Variants in CACNG1 observed in about 807,000 individuals in gnomAD.
CACNG1 encodes calcium voltage-gated channel auxiliary subunit gamma 1.
Under a neutral mutation model 22.0 loss-of-function variants are expected in CACNG1, and 21 were observed. The ratio of observed to expected loss-of-function variants is 0.95; its 90% CI spans 0.68 to 1.37. CACNG1 has a LOEUF of 1.37. Among genes scored for constraint, CACNG1 ranks in the 40% most tolerant of loss-of-function variants. The probability of loss-of-function intolerance (pLI) is 0.00; values close to 1 mark genes in which losing one functional copy is unlikely to be tolerated. For missense variants in CACNG1, 291 were observed against 308.6 expected (o/e 0.94, Z 0.43); for synonymous variants, 127 against 129.2 (o/e 0.98, Z 0.12).
rs1278041049 is a variant in CACNG1 at position 67,052,235 on chromosome 17, C to T, written c.230-1761C>T. Reference sequence around the variant, plus strand: ...CAGCAGTCAGACACCCCAGGTAACGCGGTTCAAAAGGAAAGTGATTTAAAT... The same window carrying T: ...CAGCAGTCAGACACCCCAGGTAACGTGGTTCAAAAGGAAAGTGATTTAAAT... On this transcript the variant is annotated intron_variant, in intron 1 of 3. Transcript: ENST00000226021. 3.9e-5 allele frequency among the ~76,000 whole-genome samples: 6 copies of T among 152,118 alleles called. No individual in the cohort carries two copies. The South Asian group carries it at 1.0e-3, about 26-fold the overall frequency.
At position 67,053,995 on chromosome 17, in the gene CACNG1, GAGA is replaced by G. The variant is rs899158821; in HGVS notation, c.234_236del (p.Lys78del). The G allele has an allele frequency of 7.4e-6, 12 of 1,613,562 alleles. No homozygotes were observed. The East Asian group carries it at 1.6e-4, about 21-fold the overall frequency. On this transcript the variant is annotated inframe_deletion and splice_region_variant, in exon 2 of 4. Coordinates refer to ENST00000226021, the MANE Select transcript of CACNG1 (RefSeq NM_000727.4). ...CTCACAGTCTGTCTCCTCCTTTGCA[GAGA>G]AGAACTGTTCCTACTTCAGGCATTT...
chr17:67,052,743 G>T (rs1325529584), intron 1 of CACNG1, among the ~76,000 whole-genome samples: 1 of 150,272 alleles, frequency 6.7e-6, no homozygotes, highest in Non-Finnish European at 1.5e-5. Context: ...CAAGAGCAAA[G>T]AAGATAAACC....
At position 67,056,289 on chromosome 17, in the gene CACNG1, C is replaced by T. The variant is rs115573053; in HGVS notation, c.*18C>T. On this transcript the variant is annotated 3_prime_UTR_variant, in exon 4 of 4. Coordinates refer to ENST00000226021, the MANE Select transcript of CACNG1 (RefSeq NM_000727.4). The surrounding 1 kb of genome is among the most constrained non-coding windows in gnomAD (Gnocchi z 4.3). Reference sequence around the variant, plus strand: ...AGCACTAACCCTCCTGCGGCCCTAGCGACCCTCAGGCTTCTTCCCCAGGAA... The same window carrying T: ...AGCACTAACCCTCCTGCGGCCCTAGTGACCCTCAGGCTTCTTCCCCAGGAA... 1,801 of 1,607,486 alleles carry T rather than the reference C, an allele frequency of 1.1e-3. 25 individuals carry two copies. In the African/African-American group the frequency reaches 0.019, roughly 17 times the overall value.
In CACNG1 at chr17:67,054,968, A is replaced by G. The variant is rs745828555; in HGVS notation, c.305-135A>G. On this transcript the variant is annotated intron_variant, in intron 2 of 3. Transcript: ENST00000226021. The surrounding 1 kb of genome is among the most constrained non-coding windows in gnomAD (Gnocchi z 4.6). Reference sequence around the variant, plus strand: ...TGACACACACAAGACAGACACAGAGACACACACTTGACACACACACAATGA... The same window carrying G: ...TGACACACACAAGACAGACACAGAGGCACACACTTGACACACACACAATGA... The G allele has an allele frequency of 5.8e-4, 491 of 845,596 alleles. 3 individuals carry two copies. The Middle Eastern group carries it at 0.013, about 23-fold the overall frequency. 52.4% of individuals were successfully genotyped at this position (845,596 alleles called of 1,614,324 possible). A position where few individuals can be genotyped will look rare whatever the true frequency, so the allele number is the denominator to read the frequency against.
In CACNG1 at chr17:67,056,350, C is replaced by A. The variant is rs1001250993; in HGVS notation, c.*79C>A. 2.8e-5 allele frequency: 38 copies of A among 1,349,700 alleles called. No homozygotes were observed. Among genetic ancestry groups the A allele is most frequent in the Non-Finnish European group, 4.0e-5 (38 of 959,296 alleles). 83.6% of individuals were successfully genotyped at this position (1,349,700 alleles called of 1,614,324 possible). ...GGCCTGGAACCTTCCAGAGAGGAGG[C>A]GGGAGCAATTTTAGCCCCACCCTGC... On this transcript the variant is annotated 3_prime_UTR_variant, in exon 4 of 4. Coordinates refer to ENST00000226021, the MANE Select transcript of CACNG1 (RefSeq NM_000727.4). The surrounding 1 kb of genome is among the most constrained non-coding windows in gnomAD (Gnocchi z 4.3).
chr17:67,054,967 G>A lies in CACNG1; in HGVS notation c.305-136G>A. 1 of 844,880 alleles carries A rather than the reference G, an allele frequency of 1.2e-6. No individual in the cohort carries two copies. The highest frequency in any genetic ancestry group is 1.8e-6 in the Non-Finnish European group (1 of 555,754). The allele number at this position is 844,880 out of a possible 1,614,324, so 52.3% of individuals were successfully genotyped here. The stretch of plus-strand genomic sequence containing the variant: ...ATGACACACACAAGACAGACACAGA[G>A]ACACACACTTGACACACACACAATG... On this transcript the variant is annotated intron_variant, in intron 2 of 3. Coordinates refer to ENST00000226021, the MANE Select transcript of CACNG1 (RefSeq NM_000727.4). This position sits in a 1 kb window ranked among gnomAD's most constrained non-coding sequence, Gnocchi z 4.6.
chr17:67,055,369 G>A lies in CACNG1; in HGVS notation c.442+129G>A. On this transcript the variant is annotated intron_variant, in intron 3 of 3. Transcript: ENST00000226021. The surrounding 1 kb of genome is among the most constrained non-coding windows in gnomAD (Gnocchi z 4.5). ...TCCCAGGCTCCATCCCCATCCAGGG[G>A]CAAACCTGGCCAGGCCATCAGCGAC... 3 of 1,109,284 alleles carry A rather than the reference G, an allele frequency of 2.7e-6. No individual in the cohort carries two copies. The highest frequency in any genetic ancestry group is 2.5e-6 in the Non-Finnish European group (2 of 792,330). The allele number at this position is 1,109,284 out of a possible 1,614,324, so 68.7% of individuals were successfully genotyped here. A position where few individuals can be genotyped will look rare whatever the true frequency, so the allele number is the denominator to read the frequency against.
Position 67,055,018 on chromosome 17 carries a change from CTGTGGTGCATGG to C in CACNG1, c.305-78_305-67del, listed in dbSNP as rs1429139017. ...ACACACACAGACACTGACACACACA[CTGTGGTGCATGG>C]TGTGGTCCCTAACGAGCCATGACAA... On this transcript the variant is annotated intron_variant, in intron 2 of 3. Coordinates refer to ENST00000226021, the MANE Select transcript of CACNG1 (RefSeq NM_000727.4). This position sits in a 1 kb window ranked among gnomAD's most constrained non-coding sequence, Gnocchi z 4.5. The C allele has an allele frequency of 7.3e-7, 1 of 1,379,274 alleles. No individual in the cohort carries two copies. Among genetic ancestry groups the C allele is most frequent in the African/African-American group, 1.4e-5 (1 of 69,620 alleles). The allele number at this position is 1,379,274 out of a possible 1,614,324, so 85.4% of individuals were successfully genotyped here.
At position 67,044,796 on chromosome 17, in the gene CACNG1, T is replaced by G; in HGVS notation, c.136T>G (p.Cys46Gly). The change falls in exon 1 of 4, where the codon TGC becomes GGC. Residue 46 changes from cysteine (C) to glycine (G), a missense_variant. Physicochemically the swap from Cys to Gly is radical, Grantham distance 159. Transcript: ENST00000226021. This position sits in a 1 kb window ranked among gnomAD's most constrained non-coding sequence, Gnocchi z 6.9. ...CCACATGGAGCACCACAACACTACC[T>G]GCGAGGCGGCCCACTTCGGCCTCTG... is the stretch of plus-strand genomic sequence containing the variant. Reference protein sequence around the residue: ...SPHMEHHNTTCEAAHFGLWRI... With the variant: ...SPHMEHHNTTGEAAHFGLWRI... 1 of 1,613,336 alleles carries G rather than the reference T, an allele frequency of 6.2e-7. No individual in the cohort carries two copies. Among genetic ancestry groups the G allele is most frequent in the Non-Finnish European group, 8.5e-7 (1 of 1,180,024 alleles).
At chr17:67,053,938 C>A in intron 1 of CACNG1, 58 bp from the exon 2 acceptor site, 1 of 1,272,236 alleles carries the variant, frequency 7.9e-7, no homozygotes, top group Non-Finnish European at 1.2e-6. Flanking sequence ...CTCTGCCAGG[C>A]CTCTGTCCTT....
chr17:67,055,185 C>G lies in CACNG1; in HGVS notation c.387C>G (p.Leu129=). Residue 129 remains leucine (L), a synonymous_variant, in exon 3 of 4, where the codon CTC becomes CTG. Coordinates refer to ENST00000226021, the MANE Select transcript of CACNG1 (RefSeq NM_000727.4). The surrounding 1 kb of genome is among the most constrained non-coding windows in gnomAD (Gnocchi z 4.5). The part of the protein sequence containing the change: ...ILGSLCVLLS[L]GKKRDYLLRP... ...GCAGCCTCTGTGTCCTCCTGTCCCT[C>G]GGGAAGAAGAGGGACTATCTGCTGC... The G allele has an allele frequency of 2.5e-6, 4 of 1,614,186 alleles. No individual in the cohort carries two copies. Among genetic ancestry groups the G allele is most frequent in the Non-Finnish European group, 3.4e-6 (4 of 1,180,020 alleles).
Position 67,055,065 on chromosome 17 carries a change from T to C in CACNG1, c.305-38T>C. 6.3e-7 allele frequency: 1 copy of C among 1,598,264 alleles called. No homozygotes were observed. The highest frequency in any genetic ancestry group is 8.6e-7 in the Non-Finnish European group (1 of 1,169,182). On this transcript the variant is annotated intron_variant, in intron 2 of 3. Coordinates refer to ENST00000226021, the MANE Select transcript of CACNG1 (RefSeq NM_000727.4). This position sits in a 1 kb window ranked among gnomAD's most constrained non-coding sequence, Gnocchi z 4.5. ...TAACGAGCCATGACAAGAGCTCCCA[T>C]GCTGAGGCCGCATGCTGGGTGTCCC... is the stretch of plus-strand genomic sequence containing the variant.
chr17:67,055,186 G>A lies in CACNG1; in HGVS notation c.388G>A (p.Gly130Arg), dbSNP rs142384274. The A allele has an allele frequency of 2.8e-5, 45 of 1,613,982 alleles. No individual in the cohort carries two copies. In the Middle Eastern group the frequency reaches 8.2e-4, roughly 29 times the overall value. The change falls in exon 3 of 4, where the codon GGG becomes AGG. Residue 130 changes from glycine (G) to arginine (R), a missense_variant. Transcript: ENST00000226021. This position sits in a 1 kb window ranked among gnomAD's most constrained non-coding sequence, Gnocchi z 4.5. ...CAGCCTCTGTGTCCTCCTGTCCCTCGGGAAGAAGAGGGACTATCTGCTGCG... is the reference window on the plus strand; with the variant it reads ...CAGCCTCTGTGTCCTCCTGTCCCTCAGGAAGAAGAGGGACTATCTGCTGCG... ...LGSLCVLLSL[G>R]KKRDYLLRPA...
At position 67,056,025 on chromosome 17, in the gene CACNG1, A is replaced by G. The variant is rs759486518; in HGVS notation, c.443-20A>G. ...GGCAGACGCCCCTCGGTCCCTGAGC[A>G]TGCCTGGCTCTGCCCCCAGGTCTCT... On this transcript the variant is annotated intron_variant, in intron 3 of 3. Coordinates refer to ENST00000226021, the MANE Select transcript of CACNG1 (RefSeq NM_000727.4). This position sits in a 1 kb window ranked among gnomAD's most constrained non-coding sequence, Gnocchi z 4.3. The G allele has an allele frequency of 6.3e-7, 1 of 1,599,154 alleles. No individual in the cohort carries two copies.
intron 1 of CACNG1, among the ~76,000 whole-genome samples, chr17:67,052,875 A>G (rs1055706561): frequency 2.6e-5 from 4 of 151,998 alleles, no homozygotes; most frequent in Admixed American, 6.5e-5. Context: ...CCTGGGTTGA[A>G]GCAATTCTCC....
chr17:67,054,814 T>A lies in CACNG1; in HGVS notation c.305-289T>A, dbSNP rs2035750001. Among the ~76,000 whole-genome samples the A allele has an allele frequency of 7.3e-6, 1 of 137,590 alleles. No homozygotes were observed. The highest frequency in any genetic ancestry group is 2.8e-5 in the African/African-American group (1 of 35,678). The allele number at this position is 137,590 out of a possible 152,430, so 90.3% of individuals were successfully genotyped here. A position where few individuals can be genotyped will look rare whatever the true frequency, so the allele number is the denominator to read the frequency against. ...GACACACACTGACACACACGTACAA[T>A]GACACAGACACAGAGACACACACTG... is the stretch of plus-strand genomic sequence containing the variant. On this transcript the variant is annotated intron_variant, in intron 2 of 3. Transcript: ENST00000226021. The surrounding 1 kb of genome is among the most constrained non-coding windows in gnomAD (Gnocchi z 4.6).
intron 1 of CACNG1, among the ~76,000 whole-genome samples, chr17:67,046,245 G>A (rs938477448): frequency 6.6e-6 from 1 of 152,202 alleles, no homozygotes; most frequent in African/African-American, 2.4e-5. Flanking sequence ...CATCCACAGT[G>A]GCAGTGGAGC....
At chr17:67,047,791 C>T (rs2035705533) in intron 1 of CACNG1, among the ~76,000 whole-genome samples, 1 of 151,994 alleles carries the variant, frequency 6.6e-6, no homozygotes, top group South Asian at 2.1e-4. Flanking sequence ...CCAACATATT[C>T]CTGGGAATCT....
chr17:67,046,828 AG>A (rs1240319647), intron 1 of CACNG1, among the ~76,000 whole-genome samples: 1 of 152,168 alleles, frequency 6.6e-6, no homozygotes, highest in Non-Finnish European at 1.5e-5. Context: ...GGCTGGTGAG[AG>A]GTGACTGGAC....
Sources: gnomAD v4.1 joint callset for allele counts (sites outside exome capture counted in the v4.1 genomes callset) on GRCh38, gnomAD v4.1.1 for gene constraint, Gnocchi (gnomAD v3.1) non-coding constraint, MANE v1.5 for transcripts, NCBI Gene and HGNC (gene_info 2026-07-23, HGNC 2026-07-21) for gene names.